Variants in MYO1D observed in about 807,000 individuals in gnomAD.
MYO1D encodes unconventional myosin-Id.
MYO1D carries 83 observed loss-of-function variants against 122.0 expected under a neutral mutation model. The ratio of observed to expected loss-of-function variants is 0.68; its 90% CI spans 0.57 to 0.82. The LOEUF (loss-of-function observed/expected upper bound fraction) is 0.82, where lower values mean the gene tolerates loss of function less well. Ranked by LOEUF, MYO1D falls within the 40% of genes least tolerant of loss-of-function variation. The pLI is 0.00. For missense variants in MYO1D, 1,157 were observed against 1,269.5 expected, an observed-to-expected ratio of 0.91 and a Z score of 1.35; for synonymous variants, 464 against 446.9, an observed-to-expected ratio of 1.04 and a Z score of -0.48.
intron 11 of MYO1D, among the ~76,000 whole-genome samples, chr17:32,754,864 C>A (rs984219015): frequency 6.6e-6 from 1 of 152,192 alleles, no homozygotes; most frequent in Non-Finnish European, 1.5e-5. Flanking sequence ...AATGATATGT[C>A]CATATCAGCA....
chr17:32,582,983 T>C (rs1256386428), intron 21 of MYO1D, among the ~76,000 whole-genome samples: 1 of 152,236 alleles, frequency 6.6e-6, no homozygotes, highest in Non-Finnish European at 1.5e-5. Flanking sequence ...TTTCTAGTGC[T>C]CTTCTGTTAT....
chr17:32,838,514 C>G (rs1398337511), intron 1 of MYO1D, among the ~76,000 whole-genome samples: 1 of 151,970 alleles, frequency 6.6e-6, no homozygotes, highest in Non-Finnish European at 1.5e-5. Context: ...TTTTATGGTG[C>G]TTGAAGGCTA....
At chr17:32,606,907 C>G (rs996611930) in intron 20 of MYO1D, among the ~76,000 whole-genome samples, 6 of 152,180 alleles carry the variant, frequency 3.9e-5, no homozygotes, top group African/African-American at 1.2e-4. Context: ...CGCCTGTAAT[C>G]CCAGCACTTT....
rs568568737 is a variant in MYO1D, at chr17:32,739,305, A to G, written c.1614-920T>C. Reference sequence around the variant, plus strand: ...TGGCACATATACACCATGGAATACTATGCAGCCATAAAAAAGGATGAGTTC... The same window carrying G: ...TGGCACATATACACCATGGAATACTGTGCAGCCATAAAAAAGGATGAGTTC... On this transcript the variant is annotated intron_variant, in intron 13 of 21. Transcript: ENST00000318217. Among the ~76,000 whole-genome samples, 53 of 152,052 alleles carry G rather than the reference A, an allele frequency of 3.5e-4. 1 individual carries two copies. The highest frequency in any genetic ancestry group is 1.2e-3 in the African/African-American group (51 of 41,492).
At chr17:32,573,831 C>T (rs2087252544) in intron 21 of MYO1D, among the ~76,000 whole-genome samples, 1 of 147,880 alleles carries the variant, frequency 6.8e-6, no homozygotes, top group Admixed American at 6.8e-5. Flanking sequence ...GGTCTCTGAC[C>T]ATATTTTATC....
intron 16 of MYO1D, among the ~76,000 whole-genome samples, chr17:32,670,486 C>T (rs573442544): frequency 3.7e-4 from 56 of 152,136 alleles, no homozygotes; most frequent in African/African-American, 1.3e-3. Flanking sequence ...AGGCAGGAGA[C>T]AGAGAAATCC....
chr17:32,706,672 C>A (rs778329814), intron 16 of MYO1D, among the ~76,000 whole-genome samples: 20 of 152,046 alleles, frequency 1.3e-4, no homozygotes, highest in Non-Finnish European at 2.9e-4. Context: ...GGGACAAAAT[C>A]ATGTACAAAA....
At chr17:32,695,143 T>C (rs1176496557) in intron 16 of MYO1D, among the ~76,000 whole-genome samples, 2 of 151,088 alleles carry the variant, frequency 1.3e-5, no homozygotes, top group African/African-American at 4.9e-5. Context: ...AGATTTTCCA[T>C]GCACCGGCAT....
intron 8 of MYO1D, among the ~76,000 whole-genome samples, chr17:32,762,381 G>T (rs1269680781): frequency 6.6e-6 from 1 of 152,046 alleles, no homozygotes; most frequent in African/African-American, 2.4e-5. Context: ...CACATAATAG[G>T]TCCTATGGAT....
chr17:32,574,942 T>C (rs2087265320), intron 21 of MYO1D, among the ~76,000 whole-genome samples: 1 of 152,200 alleles, frequency 6.6e-6, no homozygotes, highest in South Asian at 2.1e-4. Flanking sequence ...TCTTCATATG[T>C]AAAATGAGGA....
intron 1 of MYO1D, among the ~76,000 whole-genome samples, chr17:32,853,155 C>T (rs1453339584): frequency 6.6e-6 from 1 of 152,190 alleles, no homozygotes. Flanking sequence ...CCAATCAATT[C>T]TACCTTCTCA....
At chr17:32,634,001 C>A (rs931547502) in intron 20 of MYO1D, among the ~76,000 whole-genome samples, 3 of 152,152 alleles carry the variant, frequency 2.0e-5, no homozygotes, top group Non-Finnish European at 4.4e-5. Context: ...CCAAGACTTG[C>A]AGAGATTTTG....
At position 32,494,445 on chromosome 17, in the gene MYO1D, T is replaced by C. The variant is rs1184649584; in HGVS notation, c.*314A>G. 1 of 315,988 alleles carries C rather than the reference T, an allele frequency of 3.2e-6. No individual in the cohort carries two copies. The highest frequency in any genetic ancestry group is 4.9e-5 in the Admixed American group (1 of 20,476). The allele number at this position is 315,988 out of a possible 1,614,324, so 19.6% of individuals were successfully genotyped here. A position where few individuals can be genotyped will look rare whatever the true frequency, so the allele number is the denominator to read the frequency against. On this transcript the variant is annotated 3_prime_UTR_variant, in exon 22 of 22. Coordinates refer to ENST00000318217, the MANE Select transcript of MYO1D (RefSeq NM_015194.3). ...CCTGTCCAGGTGCTCTGACTTGACC[T>C]GGCCACGGGGCATCCGCACCAACTA...
At chr17:32,600,364 C>T (rs921891341) in intron 21 of MYO1D, among the ~76,000 whole-genome samples, 1 of 152,182 alleles carries the variant, frequency 6.6e-6, no homozygotes, top group African/African-American at 2.4e-5. Context: ...AGCCTGTCCT[C>T]TGAAGCTAGG....
At chr17:32,667,921 CT>C (rs1246684435) in intron 16 of MYO1D, among the ~76,000 whole-genome samples, 4 of 152,138 alleles carry the variant, frequency 2.6e-5, no homozygotes, top group African/African-American at 9.7e-5. Context: ...GTAATTGAAC[CT>C]TTTGGTCAAT....
intron 21 of MYO1D, among the ~76,000 whole-genome samples, chr17:32,514,187 C>A (rs1447498914): frequency 1.5e-5 from 2 of 135,384 alleles, no homozygotes; most frequent in Non-Finnish European, 3.0e-5. Flanking sequence ...TTGTAGTCAG[C>A]TGAGATTGTG....
Position 32,765,872 on chromosome 17 carries a change from C to T in MYO1D, c.832-791G>A, listed in dbSNP as rs144758323. On this transcript the variant is annotated intron_variant, in intron 7 of 21. Coordinates refer to ENST00000318217, the MANE Select transcript of MYO1D (RefSeq NM_015194.3). Reference sequence around the variant, plus strand: ...GCTCTAACGGGACTTATTGAACAGTCTAGCTTTTTCTGATTTGAAATGTCA... The same window carrying T: ...GCTCTAACGGGACTTATTGAACAGTTTAGCTTTTTCTGATTTGAAATGTCA... 3.0e-3 allele frequency among the ~76,000 whole-genome samples: 453 copies of T among 152,106 alleles called. 4 individuals carry two copies. The highest frequency in any genetic ancestry group is 0.011 in the African/African-American group (440 of 41,510).
At chr17:32,803,676 T>G (rs1458320659) in intron 1 of MYO1D, among the ~76,000 whole-genome samples, 1 of 152,148 alleles carries the variant, frequency 6.6e-6, no homozygotes. Context: ...ATACACACTT[T>G]GCAAAACAAT....
At chr17:32,501,000 C>T (rs1295834000) in intron 21 of MYO1D, among the ~76,000 whole-genome samples, 1 of 147,002 alleles carries the variant, frequency 6.8e-6, no homozygotes, top group Non-Finnish European at 1.5e-5. Flanking sequence ...CAGAGTGAGA[C>T]TCCATCTCAA....
Sources: gnomAD v4.1 joint callset for allele counts (sites outside exome capture counted in the v4.1 genomes callset) on GRCh38, gnomAD v4.1.1 for gene constraint, MANE v1.5 for transcripts, NCBI Gene and HGNC (gene_info 2026-07-23, HGNC 2026-07-21) for gene names.